NKAIN3: variants seen among roughly 807,000 people sequenced by gnomAD.
The protein encoded by NKAIN3 is sodium/potassium transporting ATPase interacting 3, also known as sodium/potassium-transporting ATPase subunit beta-1-interacting protein 3.
In NKAIN3, 25 loss-of-function variants were observed where a neutral mutation model predicts 30.2. The observed-to-expected ratio is 0.83, with a 90% CI of 0.60 to 1.16. The LOEUF (loss-of-function observed/expected upper bound fraction) is 1.16, where lower values mean the gene tolerates loss of function less well. Ranked by LOEUF, NKAIN3 falls within the 50% of genes most tolerant of loss-of-function variation. NKAIN3 has a pLI of 0.00. For missense variants in NKAIN3, 225 were observed against 254.1 expected, an observed-to-expected ratio of 0.89 and a Z score of 0.78; for synonymous variants, 91 against 89.6, an observed-to-expected ratio of 1.02 and a Z score of -0.09.
intron 3 of NKAIN3, among the ~76,000 whole-genome samples, chr8:62,712,685 G>T (rs1305161606): frequency 1.3e-5 from 2 of 152,134 alleles, no homozygotes; most frequent in African/African-American, 2.4e-5. Context: ...AAAGGGCTTG[G>T]TTCTTCCCTG....
intron 1 of NKAIN3, among the ~76,000 whole-genome samples, chr8:62,273,664 G>A (rs1040326636): frequency 2.0e-5 from 3 of 152,136 alleles, no homozygotes; most frequent in African/African-American, 7.2e-5. Flanking sequence ...TCTAATGTTG[G>A]TCAAATATAA....
intron 1 of NKAIN3, among the ~76,000 whole-genome samples, chr8:62,300,728 G>A (rs539354598): frequency 2.6e-5 from 4 of 152,208 alleles, no homozygotes; most frequent in African/African-American, 9.6e-5. Flanking sequence ...TATTGAAAAG[G>A]TTTGGAGAAG....
chr8:62,832,974 T>C (rs1461091007), intron 4 of NKAIN3, among the ~76,000 whole-genome samples: 3 of 151,856 alleles, frequency 2.0e-5, no homozygotes, highest in Non-Finnish European at 4.4e-5. Flanking sequence ...TCAACAAAAC[T>C]TAACATACGA....
In NKAIN3 at chr8:62,396,224, A is replaced by G. The variant is rs192637972; in HGVS notation, c.54+147097A>G. Among the ~76,000 whole-genome samples the G allele has an allele frequency of 1.5e-4, 23 of 152,272 alleles. No homozygotes were observed. In the East Asian group the frequency reaches 4.1e-3, roughly 27 times the overall value. On this transcript the variant is annotated intron_variant, in intron 1 of 6. Transcript: ENST00000623646. ...TTTTATCCTCAGAAGACCCTTATGCACAAAGGTGATTGTTTCCACTATAGA... is the reference window on the plus strand; with the variant it reads ...TTTTATCCTCAGAAGACCCTTATGCGCAAAGGTGATTGTTTCCACTATAGA...
chr8:62,336,608 T>C (rs1585694525), intron 1 of NKAIN3, among the ~76,000 whole-genome samples: 1 of 151,976 alleles, frequency 6.6e-6, no homozygotes, highest in East Asian at 1.9e-4. Flanking sequence ...TGACAGGTTT[T>C]GTACAGCAAC....
intron 3 of NKAIN3, among the ~76,000 whole-genome samples, chr8:62,646,590 C>A (rs561281734): frequency 6.6e-6 from 1 of 152,200 alleles, no homozygotes; most frequent in South Asian, 2.1e-4. Flanking sequence ...CCACTTTGAA[C>A]AGGCTTAGCT....
chr8:62,870,833 T>C (rs745741497), intron 4 of NKAIN3, among the ~76,000 whole-genome samples: 4 of 150,144 alleles, frequency 2.7e-5, no homozygotes, highest in Non-Finnish European at 4.4e-5. Context: ...TAAGGACTTT[T>C]AAAGAAATAG....
intron 1 of NKAIN3, among the ~76,000 whole-genome samples, chr8:62,291,994 C>T (rs1813655638): frequency 6.6e-6 from 1 of 152,028 alleles, no homozygotes; most frequent in South Asian, 2.1e-4. Context: ...TATGTAATTG[C>T]CTTCTTTGTC....
intron 1 of NKAIN3, among the ~76,000 whole-genome samples, chr8:62,496,519 T>C (rs1807244697): frequency 6.6e-6 from 1 of 152,180 alleles, no homozygotes; most frequent in African/African-American, 2.4e-5. Context: ...ATCTTCCTTA[T>C]TGATTCTGGT....
intron 1 of NKAIN3, among the ~76,000 whole-genome samples, chr8:62,568,738 G>T (rs758959995): frequency 2.0e-5 from 3 of 152,094 alleles, no homozygotes; most frequent in Non-Finnish European, 2.9e-5. Flanking sequence ...TGTTTGCCTG[G>T]CAAAGTAGTT....
intron 1 of NKAIN3, among the ~76,000 whole-genome samples, chr8:62,399,317 C>T (rs1817862997): frequency 6.6e-6 from 1 of 151,954 alleles, no homozygotes; most frequent in Admixed American, 6.6e-5. Context: ...ACCAGCCTGG[C>T]CAACATGGTG....
chr8:62,735,497 TTG>T (rs1815632179), intron 3 of NKAIN3, among the ~76,000 whole-genome samples: 1 of 152,070 alleles, frequency 6.6e-6, no homozygotes, highest in Non-Finnish European at 1.5e-5. Context: ...GAAGTTGTGA[TTG>T]TGTTTTATTT....
chr8:62,845,299 A>ATATATATATATATATATG (rs1452991137), intron 4 of NKAIN3, among the ~76,000 whole-genome samples: 2 of 137,864 alleles, frequency 1.5e-5, no homozygotes, highest in Non-Finnish European at 3.2e-5. Flanking sequence ...ATATATATAT[A>ATATATATATATATATATG]TATATATATA....
intron 5 of NKAIN3, among the ~76,000 whole-genome samples, chr8:62,950,385 T>C (rs1363691483): frequency 1.3e-5 from 2 of 152,170 alleles, no homozygotes; most frequent in Non-Finnish European, 2.9e-5. Context: ...GTGGCTTCTG[T>C]GGCCAAAAAG....
intron 3 of NKAIN3, among the ~76,000 whole-genome samples, chr8:62,635,974 C>T (rs1423916454): frequency 6.6e-6 from 1 of 152,106 alleles, no homozygotes; most frequent in Admixed American, 6.6e-5. Context: ...CCTGTCTACA[C>T]AGAATAGACC....
intron 1 of NKAIN3, among the ~76,000 whole-genome samples, chr8:62,493,433 A>G (rs868142054): frequency 2.6e-4 from 40 of 152,096 alleles, no homozygotes; most frequent in Non-Finnish European, 1.3e-4. Context: ...ATAGCCCTGT[A>G]ATATAATTTG....
rs1237278501 is a variant in NKAIN3, at chr8:62,355,313, T to C, written c.54+106186T>C. On this transcript the variant is annotated intron_variant, in intron 1 of 6. Coordinates refer to ENST00000623646, the MANE Select transcript of NKAIN3 (RefSeq NM_001304533.3). ...CATTGGAGAGGCAAACTTTGAAATC[T>C]TCATAATAAGATTCATGAAGTCAAG... Among the ~76,000 whole-genome samples, 5 of 152,362 alleles carry C rather than the reference T, an allele frequency of 3.3e-5. No homozygotes were observed. The East Asian group carries it at 9.7e-4, about 29-fold the overall frequency.
At chr8:62,898,204 G>A (rs1821494166) in intron 4 of NKAIN3, among the ~76,000 whole-genome samples, 1 of 143,634 alleles carries the variant, frequency 7.0e-6, no homozygotes. Context: ...CTTAGTTTGG[G>A]CAATAAGAAA....
chr8:62,648,391 G>A (rs1210083634), intron 3 of NKAIN3, among the ~76,000 whole-genome samples: 1 of 152,134 alleles, frequency 6.6e-6, no homozygotes, highest in Non-Finnish European at 1.5e-5. Flanking sequence ...AATGTGTGAT[G>A]AGCAGAGAAA....
Sources: gnomAD v4.1 joint callset for allele counts (sites outside exome capture counted in the v4.1 genomes callset) on GRCh38, gnomAD v4.1.1 for gene constraint, MANE v1.5 for transcripts, NCBI Gene and HGNC (gene_info 2026-07-23, HGNC 2026-07-21) for gene names.